The following PIK3C2G variants were observed in gnomAD, a reference collection of about 807,000 sequenced individuals.
PIK3C2G encodes the protein phosphatidylinositol 3-kinase C2 domain-containing subunit gamma.
In PIK3C2G, 168 loss-of-function variants were observed where a neutral mutation model predicts 181.1. The observed-to-expected ratio is 0.93, with a 90% CI of 0.82 to 1.05. The LOEUF (loss-of-function observed/expected upper bound fraction) is 1.05. Among genes scored for constraint, PIK3C2G ranks in the 50% least tolerant of loss-of-function variants. The probability of loss-of-function intolerance (pLI) is 0.00; values close to 1 mark genes in which losing one functional copy is unlikely to be tolerated. For synonymous variants in PIK3C2G, 573 were observed against 592.2 expected, an observed-to-expected ratio of 0.97 and a Z score of 0.47; for missense variants, 1,869 against 1,732.8, an observed-to-expected ratio of 1.08 and a Z score of -1.40.
chr12:18,528,202 G>A (rs1943351322), intron 24 of PIK3C2G, among the ~76,000 whole-genome samples: 1 of 152,116 alleles, frequency 6.6e-6, no homozygotes, highest in Non-Finnish European at 1.5e-5. Flanking sequence ...TTAGACAAGA[G>A]ACTTGTGTTC....
At chr12:18,700,853 G>A in the PIK3C2G span, among the ~76,000 whole-genome samples, 5 of 152,014 alleles carry the variant, frequency 3.3e-5, no homozygotes, top group South Asian at 2.1e-4. Context: ...ATAACATTAT[G>A]TATTATTAAT....
At chr12:18,259,210 C>T (rs1031728594), upstream of PIK3C2G, among the ~76,000 whole-genome samples, 1 of 151,966 alleles carries the variant, frequency 6.6e-6, no homozygotes, top group African/African-American at 2.4e-5. Flanking sequence ...CTGCTAAGTA[C>T]CCAGTAGATA....
intron 30 of PIK3C2G, among the ~76,000 whole-genome samples, chr12:18,607,008 T>C (rs568373189): frequency 2.0e-4 from 30 of 152,246 alleles, no homozygotes; most frequent in African/African-American, 7.0e-4. Flanking sequence ...GCTTTGCCCC[T>C]TGGGGATATA....
upstream of PIK3C2G, among the ~76,000 whole-genome samples, chr12:18,246,086 T>G (rs1291232709): frequency 6.6e-6 from 1 of 152,162 alleles, no homozygotes; most frequent in Non-Finnish European, 1.5e-5. Flanking sequence ...TTTATCTCAA[T>G]TTGAGCCCTC....
At chr12:18,466,505 C>G (rs919995694) in intron 18 of PIK3C2G, among the ~76,000 whole-genome samples, 1 of 151,896 alleles carries the variant, frequency 6.6e-6, no homozygotes, top group Non-Finnish European at 1.5e-5. Context: ...GGAAGTTTTA[C>G]ACCACACAAT....
chr12:18,676,059 G>C, the PIK3C2G span, among the ~76,000 whole-genome samples: 5 of 151,938 alleles, frequency 3.3e-5, no homozygotes, highest in African/African-American at 1.2e-4. Flanking sequence ...CCATCAACAC[G>C]AGTCAATAGA....
intron 25 of PIK3C2G, among the ~76,000 whole-genome samples, chr12:18,544,974 G>A (rs1235682531): frequency 1.3e-5 from 2 of 151,660 alleles, no homozygotes; most frequent in African/African-American, 2.4e-5. Context: ...CTCTAAACGG[G>A]CCTCATTTTA....
chr12:18,649,507 A>T (rs2136875026), downstream of PIK3C2G, among the ~76,000 whole-genome samples: 1 of 152,254 alleles, frequency 6.6e-6, no homozygotes, highest in African/African-American at 2.4e-5. Flanking sequence ...TCAAAAAATT[A>T]AAACTTTCTC....
the PIK3C2G span, among the ~76,000 whole-genome samples, chr12:18,688,776 T>A: frequency 6.6e-6 from 1 of 152,026 alleles, no homozygotes; most frequent in Non-Finnish European, 1.5e-5. Flanking sequence ...AGCAAAAATG[T>A]GTTATAATTT....
intron 18 of PIK3C2G, among the ~76,000 whole-genome samples, chr12:18,433,571 A>C (rs1946285218): frequency 6.6e-6 from 1 of 152,174 alleles, no homozygotes; most frequent in Admixed American, 6.5e-5. Flanking sequence ...GTGCTCTTTT[A>C]GTTTTACTAT....
chr12:18,436,392 A>G (rs1242492475), intron 18 of PIK3C2G, among the ~76,000 whole-genome samples: 1 of 152,080 alleles, frequency 6.6e-6, no homozygotes. Context: ...TTGGTTTAGC[A>G]TATTCAGAAT....
At chr12:18,283,109 A>C (rs1409857514) in intron 2 of PIK3C2G, among the ~76,000 whole-genome samples, 2 of 152,166 alleles carry the variant, frequency 1.3e-5, no homozygotes, top group Admixed American at 6.6e-5. Context: ...CACATACACA[A>C]ACACAAATAC....
chr12:18,671,187 T>TAAAA, the PIK3C2G span, among the ~76,000 whole-genome samples: 1 of 134,122 alleles, frequency 7.5e-6, no homozygotes, highest in Non-Finnish European at 1.6e-5. Context: ...AGACTCCATC[T>TAAAA]AAAAAAAAAA....
chr12:18,693,719 C>A, the PIK3C2G span: 931 of 1,551,532 alleles, frequency 6.0e-4, 1 homozygote, highest in Non-Finnish European at 7.7e-4. Flanking sequence ...ACTGCTGAAC[C>A]AGTTGGATGG....
intron 14 of PIK3C2G, among the ~76,000 whole-genome samples, chr12:18,388,123 T>C (rs1943295118): frequency 6.6e-6 from 1 of 152,182 alleles, no homozygotes; most frequent in South Asian, 2.1e-4. Flanking sequence ...GATCCTTTTT[T>C]TTTTCTCACT....
At chr12:18,297,208 G>A (rs1265814625) in intron 5 of PIK3C2G, among the ~76,000 whole-genome samples, 5 of 151,884 alleles carry the variant, frequency 3.3e-5, no homozygotes, top group African/African-American at 9.7e-5. Context: ...ACTTGTAACC[G>A]TCTCACATGA....
chr12:18,376,733 T>C (rs1411070759), intron 13 of PIK3C2G, among the ~76,000 whole-genome samples: 1 of 152,166 alleles, frequency 6.6e-6, no homozygotes, highest in Non-Finnish European at 1.5e-5. Context: ...TGGGTCCTTC[T>C]TGGCTTGTGG....
In PIK3C2G at chr12:18,378,128, G is replaced by A. The variant is rs1365035233; in HGVS notation, c.1881-3638G>A. 3.3e-5 allele frequency among the ~76,000 whole-genome samples: 5 copies of A among 152,132 alleles called. No homozygotes were observed. The East Asian group carries it at 9.7e-4, about 29-fold the overall frequency. On this transcript the variant is annotated intron_variant, in intron 13 of 32. Transcript: ENST00000538779. The stretch of plus-strand genomic sequence containing the variant: ...TAATACATCCAAGACTCCATCAAAG[G>A]ACAGTAATTACCATCAAATTCTTGA...
intron 10 of PIK3C2G, 105 bp downstream of exon 10, chr12:18,343,465 CAA>C: frequency 3.6e-6 from 2 of 553,976 alleles, no homozygotes; most frequent in Admixed American, 3.3e-5. Flanking sequence ...TGGTAACACA[CAA>C]CACACACACA....
Sources: gnomAD v4.1 joint callset for allele counts (sites outside exome capture counted in the v4.1 genomes callset) on GRCh38, gnomAD v4.1.1 for gene constraint, MANE v1.5 for transcripts, NCBI Gene and HGNC (gene_info 2026-07-23, HGNC 2026-07-21) for gene names.